The following HIVEP3 variants were observed in gnomAD, a reference collection of about 807,000 sequenced individuals.
The protein encoded by HIVEP3 is HIVEP zinc finger 3, also known as transcription factor HIVEP3.
Under a neutral mutation model 152.8 loss-of-function variants are expected in HIVEP3, and 49 were observed. The ratio of observed to expected loss-of-function variants is 0.32; its 90% CI spans 0.26 to 0.41. The LOEUF is 0.41. HIVEP3 is among the 10% of genes least tolerant of loss of function. HIVEP3 has a pLI of 1.00. For synonymous variants in HIVEP3, 1,269 were observed against 1,289.0 expected (o/e 0.98, Z 0.33); for missense variants, 2,790 against 3,103.3 (o/e 0.90, Z 2.40).
chr1:41,743,744 G>T (rs1558230963), intron 1 of HIVEP3, among the ~76,000 whole-genome samples: 1 of 152,108 alleles, frequency 6.6e-6, no homozygotes, highest in Non-Finnish European at 1.5e-5. Context: ...TCCCTCTCTG[G>T]TCCTGGGTAT....
chr1:41,632,036 C>A (rs1645202343), intron 2 of HIVEP3, among the ~76,000 whole-genome samples: 1 of 152,160 alleles, frequency 6.6e-6, no homozygotes, highest in South Asian at 2.1e-4. Context: ...TAAAACTGGA[C>A]CTAAGTTCTG....
intron 1 of HIVEP3, among the ~76,000 whole-genome samples, chr1:41,878,505 A>G (rs1326995808): frequency 6.6e-6 from 1 of 152,220 alleles, no homozygotes; most frequent in Non-Finnish European, 1.5e-5. Flanking sequence ...ATTTTGTCTT[A>G]GTTTACAACC....
chr1:41,592,159 G>A (rs1283806391), intron 3 of HIVEP3, among the ~76,000 whole-genome samples: 3 of 152,158 alleles, frequency 2.0e-5, no homozygotes, highest in East Asian at 1.9e-4. Flanking sequence ...TTTCTCTGGG[G>A]GTTGGTCTGT....
At chr1:41,544,614 G>A (rs11210423) in intron 5 of HIVEP3, among the ~76,000 whole-genome samples, 94,602 of 135,344 alleles carry the variant, frequency 0.7, 32,842 homozygotes, top group Middle Eastern at 0.8. Flanking sequence ...CACCATCACC[G>A]CCACCACTAT....
rs1310164657 is a variant in HIVEP3, at chr1:42,028,313, A to G, written n.119+7494T>C. Among the ~76,000 whole-genome samples, 15 of 152,320 alleles carry G rather than the reference A, an allele frequency of 9.8e-5. No individual in the cohort carries two copies. In the East Asian group the frequency reaches 1.2e-3, roughly 12 times the overall value. The stretch of plus-strand genomic sequence containing the variant: ...TAGAATAGTGCCTGGCATTATAGTA[A>G]GTGCTCAGTAAATATCACAGAATGT... On this transcript the variant is annotated intron_variant and non_coding_transcript_variant, in intron 1 of 3. Coordinates refer to the HIVEP3 transcript ENST00000489103.
At chr1:41,966,761 G>A (rs1023208135) in intron 1 of HIVEP3, among the ~76,000 whole-genome samples, 5 of 151,752 alleles carry the variant, frequency 3.3e-5, no homozygotes, top group Admixed American at 6.6e-5. Context: ...GATTACAGGC[G>A]TGAGCCACCA....
intron 2 of HIVEP3, among the ~76,000 whole-genome samples, chr1:41,645,955 G>A (rs1305557932): frequency 1.3e-5 from 2 of 152,140 alleles, no homozygotes; most frequent in East Asian, 1.9e-4. Context: ...CCGAGGAAAA[G>A]CACCTCCTTA....
intron 1 of HIVEP3, among the ~76,000 whole-genome samples, chr1:41,980,558 T>G (rs1436003724): frequency 1.3e-5 from 2 of 152,224 alleles, no homozygotes; most frequent in Non-Finnish European, 2.9e-5. Context: ...GGGTGAAGAT[T>G]GCCTACAATT....
intron 1 of HIVEP3, among the ~76,000 whole-genome samples, chr1:41,961,659 C>G (rs527422557): frequency 2.0e-5 from 3 of 152,378 alleles, no homozygotes; most frequent in African/African-American, 7.2e-5. Flanking sequence ...CTGTACACTA[C>G]TGCAATTGTG....
At chr1:41,949,811 T>C (rs1176817457) in intron 1 of HIVEP3, among the ~76,000 whole-genome samples, 1 of 152,180 alleles carries the variant, frequency 6.6e-6, no homozygotes, top group Non-Finnish European at 1.5e-5. Flanking sequence ...AACTAAAATC[T>C]ACCGTGGATC....
At position 41,638,878 on chromosome 1, in the gene HIVEP3, C is replaced by A. The variant is rs554943008; in HGVS notation, c.-720-9931G>T. On this transcript the variant is annotated intron_variant, in intron 2 of 8. Coordinates refer to ENST00000372583, the MANE Select transcript of HIVEP3 (RefSeq NM_024503.5). Reference sequence around the variant, plus strand: ...AAAAATCCTGGATGCCTGGCAGGGGCCAGCCTCACTGGGTCATAACAGCTG... The same window carrying A: ...AAAAATCCTGGATGCCTGGCAGGGGACAGCCTCACTGGGTCATAACAGCTG... Among the ~76,000 whole-genome samples the A allele has an allele frequency of 3.9e-5, 6 of 152,348 alleles. No individual in the cohort carries two copies. In the South Asian group the frequency reaches 1.2e-3, roughly 32 times the overall value.
At chr1:41,559,525 AATATCCCTCTGC>A (rs1392169207) in intron 5 of HIVEP3, among the ~76,000 whole-genome samples, 1 of 152,130 alleles carries the variant, frequency 6.6e-6, no homozygotes, top group Non-Finnish European at 1.5e-5. Flanking sequence ...TCTGGGGCTG[AATATCCCTCTGC>A]AAGGGAGCCG....
intron 1 of HIVEP3, among the ~76,000 whole-genome samples, chr1:41,740,607 C>T (rs1646982660): frequency 1.3e-5 from 2 of 152,222 alleles, no homozygotes; most frequent in South Asian, 4.1e-4. Flanking sequence ...ATTTATTCTA[C>T]AAACGTTTAA....
intron 2 of HIVEP3, among the ~76,000 whole-genome samples, chr1:41,675,645 C>T (rs1364442639): frequency 2.0e-5 from 3 of 152,318 alleles, no homozygotes; most frequent in East Asian, 1.9e-4. Context: ...GCCCTGGGAT[C>T]AGAGAACTGA....
At chr1:41,930,432 C>A (rs1303098816) in intron 1 of HIVEP3, among the ~76,000 whole-genome samples, 1 of 152,132 alleles carries the variant, frequency 6.6e-6, no homozygotes, top group Non-Finnish European at 1.5e-5. Context: ...AAGATTCATC[C>A]ATGATGTTGC....
chr1:41,615,966 AGT>A, intron 3 of HIVEP3, among the ~76,000 whole-genome samples: 1 of 151,944 alleles, frequency 6.6e-6, no homozygotes, highest in Non-Finnish European at 1.5e-5. Context: ...TCCTTTAACA[AGT>A]GTGTTTTCTC....
chr1:41,510,978 G>A lies in HIVEP3; in HGVS notation c.6694C>T (p.Leu2232=), dbSNP rs1188745501. The A allele has an allele frequency of 1.2e-6, 2 of 1,613,530 alleles. No homozygotes were observed. Among genetic ancestry groups the A allele is most frequent in the Non-Finnish European group, 1.7e-6 (2 of 1,179,848 alleles). Residue 2232 remains leucine, a synonymous_variant, in exon 9 of 9, where the codon CTG becomes TTG. Transcript: ENST00000372583. Reference sequence around the variant, plus strand: ...TCCTGGGCCTCCCGGGCCCCTGTCAGGTCGCTGCCACCCCCGGAGAAGCCA... The same window carrying A: ...TCCTGGGCCTCCCGGGCCCCTGTCAAGTCGCTGCCACCCCCGGAGAAGCCA... ...VSGFSGGGSD[L]TGAREAQERG...
chr1:41,674,154 G>T (rs947208083), intron 2 of HIVEP3, among the ~76,000 whole-genome samples: 1 of 152,200 alleles, frequency 6.6e-6, no homozygotes, highest in Admixed American at 6.5e-5. Flanking sequence ...TCCCCGTGTC[G>T]GGAAAGCTGG....
At chr1:41,970,931 T>C (rs1645225292) in intron 1 of HIVEP3, among the ~76,000 whole-genome samples, 1 of 152,192 alleles carries the variant, frequency 6.6e-6, no homozygotes, top group African/African-American at 2.4e-5. Context: ...TGCCTGGCCC[T>C]GCTGACACCT....
Sources: gnomAD v4.1 joint callset for allele counts (sites outside exome capture counted in the v4.1 genomes callset) on GRCh38, gnomAD v4.1.1 for gene constraint, MANE v1.5 for transcripts, NCBI Gene and HGNC (gene_info 2026-07-23, HGNC 2026-07-21) for gene names.